CCDC192: variants seen among roughly 807,000 people sequenced by gnomAD.
CCDC192 encodes coiled-coil domain containing 192, also known as coiled-coil domain-containing protein 192.
intron 2 of CCDC192, among the ~76,000 whole-genome samples, chr5:127,708,926 A>G (rs553274845): frequency 2.0e-5 from 3 of 152,142 alleles, no homozygotes; most frequent in South Asian, 2.1e-4. Context: ...TCGCACCACT[A>G]TAAAGAGATA....
chr5:127,815,749 T>A (rs1290907420), intron 5 of CCDC192, among the ~76,000 whole-genome samples: 3 of 152,010 alleles, frequency 2.0e-5, no homozygotes, highest in African/African-American at 4.8e-5. Context: ...GCACCTGTAG[T>A]CCCAGCTCCT....
intron 2 of CCDC192, among the ~76,000 whole-genome samples, chr5:127,713,549 G>GT (rs951659577): frequency 6.6e-5 from 10 of 152,130 alleles, no homozygotes; most frequent in Non-Finnish European, 1.5e-4. Context: ...ATGAACAGAA[G>GT]TTTTTTATTT....
chr5:127,800,398 A>C (rs1204866276), intron 5 of CCDC192, among the ~76,000 whole-genome samples: 8 of 138,552 alleles, frequency 5.8e-5, no homozygotes, highest in African/African-American at 1.8e-4. Flanking sequence ...AAAAAAAAAA[A>C]AAACAACAAC....
intron 6 of CCDC192, among the ~76,000 whole-genome samples, chr5:127,882,187 G>C (rs1037416510): frequency 6.6e-6 from 1 of 152,150 alleles, no homozygotes; most frequent in Non-Finnish European, 1.5e-5. Flanking sequence ...GCCTGTAATG[G>C]GATTGACATT....
chr5:127,787,742 GT>G (rs1195649067), intron 3 of CCDC192, among the ~76,000 whole-genome samples: 2 of 152,168 alleles, frequency 1.3e-5, no homozygotes, highest in East Asian at 3.9e-4. Flanking sequence ...TACTACGTCT[GT>G]TATGTCTAGT....
chr5:127,900,792 C>T (rs1252628923), intron 6 of CCDC192, among the ~76,000 whole-genome samples: 1 of 152,150 alleles, frequency 6.6e-6, no homozygotes, highest in African/African-American at 2.4e-5. Context: ...ATGGCAAACT[C>T]TCCTATTGAA....
intron 2 of CCDC192, among the ~76,000 whole-genome samples, chr5:127,736,547 T>G (rs1408256281): frequency 6.6e-6 from 1 of 151,908 alleles, no homozygotes; most frequent in Non-Finnish European, 1.5e-5. Flanking sequence ...CGGCTGTGAA[T>G]CCATCTGGTC....
chr5:127,732,095 A>G (rs1162628178), intron 2 of CCDC192, among the ~76,000 whole-genome samples: 1 of 152,124 alleles, frequency 6.6e-6, no homozygotes, highest in African/African-American at 2.4e-5. Flanking sequence ...TTTGCAATCT[A>G]TTCATCTGAC....
At chr5:127,906,086 A>G (rs1389900644) in intron 6 of CCDC192, among the ~76,000 whole-genome samples, 1 of 152,190 alleles carries the variant, frequency 6.6e-6, no homozygotes, top group Non-Finnish European at 1.5e-5. Context: ...AGTGCCATTA[A>G]GTACATTCAC....
intron 6 of CCDC192, among the ~76,000 whole-genome samples, chr5:127,885,063 G>A (rs1052465195): frequency 6.6e-6 from 1 of 151,878 alleles, no homozygotes; most frequent in Non-Finnish European, 1.5e-5. Flanking sequence ...ATCAGGAAAT[G>A]GTGTTCCCTT....
chr5:127,897,556 A>C (rs1343889644), intron 6 of CCDC192, among the ~76,000 whole-genome samples: 2 of 152,230 alleles, frequency 1.3e-5, no homozygotes, highest in African/African-American at 4.8e-5. Context: ...AGGAAGAAAT[A>C]GGACCTCGGA....
At chr5:127,903,608 G>A (rs1219130077) in intron 6 of CCDC192, among the ~76,000 whole-genome samples, 1 of 152,164 alleles carries the variant, frequency 6.6e-6, no homozygotes, top group African/African-American at 2.4e-5. Context: ...GGTATGTCTG[G>A]TTCATGCAGG....
At chr5:127,877,929 G>A (rs922323163) in intron 6 of CCDC192, among the ~76,000 whole-genome samples, 13 of 152,132 alleles carry the variant, frequency 8.5e-5, no homozygotes, top group African/African-American at 1.2e-4. Context: ...GTGATTTACC[G>A]GCACATGTAA....
chr5:127,777,619 C>T (rs748435544), intron 3 of CCDC192, among the ~76,000 whole-genome samples: 4 of 152,142 alleles, frequency 2.6e-5, no homozygotes, highest in Admixed American at 6.5e-5. Context: ...ACTGTGTCCC[C>T]ACCCAAATCT....
At chr5:127,758,390 A>G (rs1412740776) in intron 3 of CCDC192, among the ~76,000 whole-genome samples, 2 of 152,208 alleles carry the variant, frequency 1.3e-5, no homozygotes, top group South Asian at 2.1e-4. Flanking sequence ...TTAGCTTACA[A>G]TTATTCTTTA....
intron 3 of CCDC192, among the ~76,000 whole-genome samples, chr5:127,789,561 T>C (rs1756748400): frequency 6.6e-6 from 1 of 152,226 alleles, no homozygotes; most frequent in South Asian, 2.1e-4. Flanking sequence ...CTAAGCAAAG[T>C]GTTGAGAATA....
chr5:127,765,885 A>G (rs1023031887), intron 3 of CCDC192, among the ~76,000 whole-genome samples: 1 of 152,270 alleles, frequency 6.6e-6, no homozygotes, highest in East Asian at 1.9e-4. Flanking sequence ...GGAGTTGTCC[A>G]TATTATGGAG....
At chr5:127,937,276 C>G (rs1250924084) in intron 6 of CCDC192, among the ~76,000 whole-genome samples, 4 of 152,002 alleles carry the variant, frequency 2.6e-5, no homozygotes, top group African/African-American at 9.7e-5. Context: ...TACTCTACCC[C>G]TTTTCTGACT....
chr5:127,719,510 T>TATATATATATATACACACACATAC (rs1751853068), intron 2 of CCDC192, among the ~76,000 whole-genome samples: 1 of 49,074 alleles, frequency 2.0e-5, no homozygotes, highest in African/African-American at 6.4e-5. Context: ...CACATACATA[T>TATATATATATATACACACACATAC]ATATATATAT....
Sources: allele counts gnomAD v4.1 joint callset (sites outside exome capture counted in the v4.1 genomes callset), GRCh38; gene constraint gnomAD v4.1.1; transcripts MANE v1.5; gene names NCBI Gene and HGNC (gene_info 2026-07-23, HGNC 2026-07-21).